The following ZNF385D variants were observed in gnomAD, a reference collection of about 807,000 sequenced individuals.
The protein encoded by ZNF385D is zinc finger protein 385D.
In ZNF385D, 15 loss-of-function variants were observed where a neutral mutation model predicts 35.8. The ratio of observed to expected loss-of-function variants is 0.42; its 90% CI spans 0.28 to 0.64. The LOEUF (loss-of-function observed/expected upper bound fraction) is 0.64. Among genes scored for constraint, ZNF385D ranks in the 30% least tolerant of loss-of-function variants. The pLI is 0.23. For missense variants in ZNF385D, 474 were observed against 494.6 expected, an observed-to-expected ratio of 0.96 and a Z score of 0.39; for synonymous variants, 212 against 186.8, an observed-to-expected ratio of 1.13 and a Z score of -1.10.
Position 21,480,559 on chromosome 3 carries a change from C to G in ZNF385D, c.439+30302G>C, listed in dbSNP as rs571755077. Among the ~76,000 whole-genome samples the G allele has an allele frequency of 9.2e-5, 14 of 152,050 alleles. 1 individual carries two copies. Among genetic ancestry groups the G allele is most frequent in the Admixed American group, 5.9e-4 (9 of 15,258 alleles). On this transcript the variant is annotated intron_variant, in intron 4 of 7. Transcript: ENST00000281523. The stretch of plus-strand genomic sequence containing the variant: ...TTCCTTACTGTTCCCCTGTCCCCAT[C>G]ACATACAGCCCGGTCACCCAGCTCC...
At chr3:22,259,035 A>C (rs991626001) in intron 2 of ZNF385D, among the ~76,000 whole-genome samples, 1 of 151,820 alleles carries the variant, frequency 6.6e-6, no homozygotes. Context: ...TAATTTTGTA[A>C]AGTGTAATTG....
intron 4 of ZNF385D, among the ~76,000 whole-genome samples, chr3:21,507,685 C>A (rs1457556023): frequency 6.6e-6 from 1 of 152,222 alleles, no homozygotes; most frequent in African/African-American, 2.4e-5. Context: ...ATTGTTTGTG[C>A]CTCAGCCTTC....
intron 3 of ZNF385D, among the ~76,000 whole-genome samples, chr3:21,936,282 G>A (rs184230952): frequency 1.6e-4 from 24 of 152,146 alleles, no homozygotes; most frequent in Admixed American, 1.3e-3. Context: ...AGATAAATGC[G>A]ACTTTCAACA....
At position 21,673,320 on chromosome 3, in the gene ZNF385D, A is replaced by G. The variant is rs149111790; in HGVS notation, c.23-8292T>C. Among the ~76,000 whole-genome samples the G allele has an allele frequency of 9.1e-4, 138 of 152,282 alleles. 1 individual carries two copies. Among genetic ancestry groups the G allele is most frequent in the Non-Finnish European group, 1.5e-3 (105 of 68,012 alleles). ...ACGTCTGATAGCCACATGGGGCTAG[A>G]GGCTTCTGTATTGTACACTGCACAT... On this transcript the variant is annotated intron_variant, in intron 1 of 7. Coordinates refer to ENST00000281523, the MANE Select transcript of ZNF385D (RefSeq NM_024697.3).
chr3:22,361,055 G>A (rs779534363), intron 2 of ZNF385D, among the ~76,000 whole-genome samples: 21 of 151,916 alleles, frequency 1.4e-4, no homozygotes, highest in African/African-American at 3.1e-4. Flanking sequence ...AGCCTTTGCC[G>A]CTCAAAACAA....
chr3:21,997,673 C>G (rs1695554967), intron 3 of ZNF385D, among the ~76,000 whole-genome samples: 2 of 151,874 alleles, frequency 1.3e-5, no homozygotes, highest in Admixed American at 1.3e-4. Flanking sequence ...TCACATTTCT[C>G]TCTTTCAAGT....
intron 3 of ZNF385D, among the ~76,000 whole-genome samples, chr3:22,083,347 C>A (rs1436632548): frequency 6.6e-6 from 1 of 152,092 alleles, no homozygotes; most frequent in East Asian, 1.9e-4. Flanking sequence ...AAATAGTAGA[C>A]CAATGGCTAG....
chr3:21,560,434 C>G (rs1216088800), intron 3 of ZNF385D, among the ~76,000 whole-genome samples: 1 of 152,142 alleles, frequency 6.6e-6, no homozygotes. Flanking sequence ...TGCTAGAGGT[C>G]CACTCCAGAC....
chr3:22,264,134 C>T (rs62246554), intron 2 of ZNF385D, among the ~76,000 whole-genome samples: 1 of 151,904 alleles, frequency 6.6e-6, no homozygotes, highest in Non-Finnish European at 1.5e-5. Flanking sequence ...AAGAATTTAA[C>T]CATTATCCAA....
chr3:21,713,818 A>G (rs114663304), intron 1 of ZNF385D, among the ~76,000 whole-genome samples: 151 of 152,318 alleles, frequency 9.9e-4, no homozygotes, highest in African/African-American at 3.5e-3. Flanking sequence ...CAACTTTACT[A>G]GAATCTCAGT....
intron 4 of ZNF385D, among the ~76,000 whole-genome samples, chr3:21,503,916 T>C (rs2125446469): frequency 6.6e-6 from 1 of 152,330 alleles, no homozygotes; most frequent in South Asian, 2.1e-4. Context: ...ATTTTACTTT[T>C]GGTACCTTTA....
intron 3 of ZNF385D, among the ~76,000 whole-genome samples, chr3:21,885,616 G>A (rs259535): frequency 0.13 from 19,499 of 151,626 alleles, 1,539 homozygotes; most frequent in Middle Eastern, 0.17. Context: ...GCAATGAAAA[G>A]TTTTATATAT....
intron 3 of ZNF385D, among the ~76,000 whole-genome samples, chr3:22,149,653 T>C (rs929800335): frequency 3.3e-4 from 50 of 152,192 alleles, no homozygotes; most frequent in African/African-American, 1.0e-3. Flanking sequence ...ATCTGAGATA[T>C]AGGCTATTTG....
chr3:21,737,963 T>C (rs1415838477), intron 1 of ZNF385D, among the ~76,000 whole-genome samples: 1 of 152,314 alleles, frequency 6.6e-6, no homozygotes, highest in South Asian at 2.1e-4. Flanking sequence ...GTGATTAGCG[T>C]TATGTGTAAG....
At chr3:21,524,896 T>C (rs1408050021) in intron 3 of ZNF385D, among the ~76,000 whole-genome samples, 2 of 152,230 alleles carry the variant, frequency 1.3e-5, no homozygotes, top group Non-Finnish European at 2.9e-5. Flanking sequence ...CTAAGACTAT[T>C]AGTTGAATAG....
intron 2 of ZNF385D, among the ~76,000 whole-genome samples, chr3:22,371,231 T>C (rs1200412327): frequency 6.6e-6 from 1 of 152,134 alleles, no homozygotes; most frequent in Admixed American, 6.6e-5. Context: ...ACCTTTCCAG[T>C]AGGTTTTAGA....
At position 22,219,989 on chromosome 3, in the gene ZNF385D, C is replaced by T. The variant is rs147901189; in HGVS notation, c.107-50954G>A. ...TAATTAACTTTCAGTTTCTTCTCTA[C>T]CATAATTTTCTTAGTAAAACCTTTG... On this transcript the variant is annotated intron_variant, in intron 2 of 5. Transcript: ENST00000494108. Among the ~76,000 whole-genome samples, 144 of 151,894 alleles carry T rather than the reference C, an allele frequency of 9.5e-4. 1 individual carries two copies. The highest frequency in any genetic ancestry group is 3.3e-3 in the African/African-American group (136 of 41,492).
In ZNF385D at chr3:21,418,392, G is replaced by C. The variant is rs752042850; in HGVS notation, c.*2822C>G. On this transcript the variant is annotated 3_prime_UTR_variant, in exon 8 of 8. Coordinates refer to ENST00000281523, the MANE Select transcript of ZNF385D (RefSeq NM_024697.3). ...GTATTGGTAAATATATGGAGTGTGG[G>C]GGAAACAACTCACAGAGAATCCACT... The C allele has an allele frequency of 3.9e-5, 6 of 152,240 alleles. No individual in the cohort carries two copies. Among genetic ancestry groups the C allele is most frequent in the Non-Finnish European group, 7.4e-5 (5 of 67,996 alleles). The allele number at this position is 152,240 out of a possible 1,614,324, so 9.4% of individuals were successfully genotyped here. A position where few individuals can be genotyped will look rare whatever the true frequency, so the allele number is the denominator to read the frequency against.
At chr3:21,898,534 T>C (rs1000134379) in intron 3 of ZNF385D, among the ~76,000 whole-genome samples, 1 of 152,126 alleles carries the variant, frequency 6.6e-6, no homozygotes, top group Admixed American at 6.6e-5. Flanking sequence ...TTTCAGTTAC[T>C]GGAAAAGAAC....
Sources: gnomAD v4.1 joint callset for allele counts (sites outside exome capture counted in the v4.1 genomes callset) on GRCh38, gnomAD v4.1.1 for gene constraint, MANE v1.5 for transcripts, NCBI Gene and HGNC (gene_info 2026-07-23, HGNC 2026-07-21) for gene names.